The following TNS3 variants were observed in gnomAD, a reference collection of about 807,000 sequenced individuals.
TNS3 encodes tensin-3.
TNS3 carries 45 observed loss-of-function variants against 140.9 expected under a neutral mutation model. That is an observed-to-expected ratio of 0.32 (90% CI 0.25 to 0.41). TNS3 has a LOEUF of 0.41. Among genes scored for constraint, TNS3 ranks in the 10% least tolerant of loss-of-function variants. The pLI, the probability that TNS3 is intolerant of heterozygous loss-of-function variation, is 1.00. For missense variants in TNS3, 1,716 were observed against 1,906.7 expected (o/e 0.90, Z 1.86); for synonymous variants, 815 against 788.4 (o/e 1.03, Z -0.56).
chr7:47,572,016 T>C (rs115457073), intron 1 of TNS3, among the ~76,000 whole-genome samples: 306 of 152,132 alleles, frequency 2.0e-3, no homozygotes, highest in African/African-American at 7.3e-3. Flanking sequence ...GGAATGCAAC[T>C]CCGCAGGGCA....
intron 10 of TNS3, among the ~76,000 whole-genome samples, chr7:47,420,349 GC>G (rs1794309563): frequency 6.6e-6 from 1 of 152,130 alleles, no homozygotes; most frequent in South Asian, 2.1e-4. Context: ...CCAGGAGGAG[GC>G]CGTTTCCTGA....
chr7:47,386,909 T>C (rs758374188), intron 16 of TNS3, among the ~76,000 whole-genome samples: 2 of 152,224 alleles, frequency 1.3e-5, no homozygotes, highest in Non-Finnish European at 2.9e-5. Context: ...TGTTAAAAAA[T>C]TTAAGTAAGG....
At chr7:47,296,977 T>C in intron 24 of TNS3, 105 bp downstream of exon 24, 2 of 1,378,604 alleles carry the variant, frequency 1.5e-6, no homozygotes, top group East Asian at 2.5e-5. Flanking sequence ...GAATAAAATT[T>C]GTGAGTATTG....
chr7:47,472,994 AG>A (rs886816007), intron 4 of TNS3, among the ~76,000 whole-genome samples: 1 of 152,110 alleles, frequency 6.6e-6, no homozygotes, highest in African/African-American at 2.4e-5. Flanking sequence ...CCTTCTGCTG[AG>A]CGACCTCACG....
chr7:47,388,988 A>C (rs62446292), intron 16 of TNS3, among the ~76,000 whole-genome samples: 1,261 of 22,248 alleles, frequency 0.057, 376 homozygotes, highest in Non-Finnish European at 0.25. Flanking sequence ...GCAGCAGAGG[A>C]AGAAGAAGAA....
At chr7:47,370,966 T>A (rs1791036495) in intron 16 of TNS3, among the ~76,000 whole-genome samples, 1 of 152,122 alleles carries the variant, frequency 6.6e-6, no homozygotes, top group Non-Finnish European at 1.5e-5. Flanking sequence ...TGGGACAGAG[T>A]CCCAAGGGGT....
chr7:47,384,489 G>A (rs4724568), intron 16 of TNS3, among the ~76,000 whole-genome samples: 37,031 of 152,220 alleles, frequency 0.24, 4,992 homozygotes, highest in East Asian at 0.55. Flanking sequence ...CATTTCTGTG[G>A]CTTCTCCTGG....
At chr7:47,470,782 C>G (rs1366639049) in intron 4 of TNS3, 2 of 328,876 alleles carry the variant, frequency 6.1e-6, no homozygotes, top group Admixed American at 6.5e-5. Context: ...TAAGCTGACA[C>G]CAGGGTTAAT....
chr7:47,397,046 C>T (rs1562687529), intron 15 of TNS3, 142 bp from the exon 16 acceptor site: 1 of 650,640 alleles, frequency 1.5e-6, no homozygotes. Context: ...TGCCAGGAGC[C>T]ACAACACTAA....
chr7:47,317,944 T>A (rs1331804814), intron 20 of TNS3, among the ~76,000 whole-genome samples: 1 of 152,224 alleles, frequency 6.6e-6, no homozygotes, highest in African/African-American at 2.4e-5. Context: ...CAAATTGTGA[T>A]AAGACATACA....
chr7:47,348,263 G>A (rs1175321529), intron 17 of TNS3, among the ~76,000 whole-genome samples: 1 of 152,200 alleles, frequency 6.6e-6, no homozygotes, highest in Non-Finnish European at 1.5e-5. Flanking sequence ...GAAGTGTCAT[G>A]GCCACAGACA....
chr7:47,532,347 T>C (rs767912699), intron 1 of TNS3, among the ~76,000 whole-genome samples: 2 of 152,110 alleles, frequency 1.3e-5, no homozygotes, highest in Non-Finnish European at 1.5e-5. Flanking sequence ...TGGCCGCCCA[T>C]GGACCAATCA....
At chr7:47,305,515 C>CT (rs1786698331) in intron 20 of TNS3, among the ~76,000 whole-genome samples, 1 of 152,260 alleles carries the variant, frequency 6.6e-6, no homozygotes, top group Non-Finnish European at 1.5e-5. Context: ...CCTTTGGTCC[C>CT]TACCCTCCCC....
chr7:47,378,632 G>A (rs979404967), intron 16 of TNS3, among the ~76,000 whole-genome samples: 2 of 152,256 alleles, frequency 1.3e-5, no homozygotes, highest in Non-Finnish European at 2.9e-5. Flanking sequence ...CAAGCACTTC[G>A]TACCTATTGT....
chr7:47,500,082 AACACACACACACACGC>A (rs1798154330), intron 3 of TNS3, among the ~76,000 whole-genome samples: 1 of 151,910 alleles, frequency 6.6e-6, no homozygotes, highest in Non-Finnish European at 1.5e-5. Context: ...CAAACATTAA[AACACACACACACACGC>A]ACACACACAC....
intron 20 of TNS3, among the ~76,000 whole-genome samples, chr7:47,318,110 C>T (rs1787517038): frequency 6.6e-6 from 1 of 152,168 alleles, no homozygotes; most frequent in Non-Finnish European, 1.5e-5. Flanking sequence ...CCACCCAAGT[C>T]CCCACCATCC....
At chr7:47,532,323 T>C (rs1414890468) in intron 1 of TNS3, among the ~76,000 whole-genome samples, 1 of 152,102 alleles carries the variant, frequency 6.6e-6, no homozygotes, top group Non-Finnish European at 1.5e-5. Context: ...ATGGTGCCTC[T>C]TCCAGCCAGC....
chr7:47,352,530 C>T (rs2151036399), intron 17 of TNS3, among the ~76,000 whole-genome samples: 1 of 151,694 alleles, frequency 6.6e-6, no homozygotes, highest in South Asian at 2.1e-4. Context: ...TATCTGCAAA[C>T]CTCACACCTG....
At chr7:47,556,130 TG>T (rs1800189407) in intron 1 of TNS3, among the ~76,000 whole-genome samples, 2 of 152,220 alleles carry the variant, frequency 1.3e-5, no homozygotes, top group East Asian at 1.9e-4. Flanking sequence ...GGCAACCAGT[TG>T]GAGTTCAGTG....
Sources: allele counts gnomAD v4.1 joint callset (sites outside exome capture counted in the v4.1 genomes callset), GRCh38; gene constraint gnomAD v4.1.1; transcripts MANE v1.5; gene names NCBI Gene and HGNC (gene_info 2026-07-23, HGNC 2026-07-21).